Variants in IL1RAPL1 observed in about 807,000 individuals in gnomAD.
IL1RAPL1 encodes interleukin 1 receptor accessory protein like 1.
In IL1RAPL1, 3 loss-of-function variants were observed where a neutral mutation model predicts 48.4. The ratio of observed to expected loss-of-function variants is 0.06; its 90% confidence interval spans 0.03 to 0.16. The LOEUF is 0.16. Among genes scored for constraint, IL1RAPL1 ranks in the 10% least tolerant of loss-of-function variants. The pLI is 1.00. For synonymous variants in IL1RAPL1, 185 were observed against 187.7 expected (o/e 0.99, Z 0.12); for missense variants, 349 against 530.6 (o/e 0.66, Z 3.36).
At chrX:28,723,404 G>A (rs1326201607) in intron 1 of IL1RAPL1, among the ~76,000 whole-genome samples, 10 of 110,979 alleles carry the variant, frequency 9.0e-5, no homozygotes, top group South Asian at 3.8e-4. Context: ...GTATTCTCTG[G>A]TGGTAGTTTG....
chrX:28,907,963 G>A (rs1923262389), intron 2 of IL1RAPL1, among the ~76,000 whole-genome samples: 1 of 111,739 alleles, frequency 8.9e-6, no homozygotes, highest in Non-Finnish European at 1.9e-5. Context: ...GTATGAGTTT[G>A]TGTCTTTCAA....
At position 29,773,440 on chromosome X, in the gene IL1RAPL1, C is replaced by G. The variant is rs756489994; in HGVS notation, c.778+104936C>G. 7.0e-4 allele frequency among the ~76,000 whole-genome samples: 79 copies of G among 112,454 alleles called. 1 individual carries two copies. The highest frequency in any genetic ancestry group is 2.3e-3 in the African/African-American group (70 of 31,004). Reference sequence around the variant, plus strand: ...TCTTTTATCTGTCACTGTGCGGTAGCTTTAGCATAACTGCATTTAGATTTA... The same window carrying G: ...TCTTTTATCTGTCACTGTGCGGTAGGTTTAGCATAACTGCATTTAGATTTA... On this transcript the variant is annotated intron_variant, in intron 6 of 10. Coordinates refer to ENST00000378993, the MANE Select transcript of IL1RAPL1 (RefSeq NM_014271.4).
intron 1 of IL1RAPL1, among the ~76,000 whole-genome samples, chrX:28,630,065 A>T (rs1286661436): frequency 8.9e-6 from 1 of 111,868 alleles, no homozygotes; most frequent in Non-Finnish European, 1.9e-5. Context: ...AGGAAGTTTA[A>T]AAGAACAATG....
At chrX:29,496,159 A>G (rs976626236) in intron 5 of IL1RAPL1, among the ~76,000 whole-genome samples, 2 of 112,017 alleles carry the variant, frequency 1.8e-5, no homozygotes, top group African/African-American at 6.5e-5. Flanking sequence ...CCTTTCACCT[A>G]TATATGGTAG....
intron 1 of IL1RAPL1, 79 bp from the exon 2 acceptor site, chrX:28,789,241 C>T: frequency 1.8e-6 from 1 of 555,699 alleles, no homozygotes; most frequent in Non-Finnish European, 3.1e-6. Context: ...CATGTTTGAT[C>T]AAAGTTATGA....
chrX:29,774,126 C>T (rs775064339), intron 6 of IL1RAPL1, among the ~76,000 whole-genome samples: 1 of 110,294 alleles, frequency 9.1e-6, no homozygotes, highest in African/African-American at 3.3e-5. Flanking sequence ...TTCTCTTCCT[C>T]CTTCCTCTCC....
chrX:29,122,056 C>T (rs1928797612), intron 2 of IL1RAPL1, among the ~76,000 whole-genome samples: 1 of 111,245 alleles, frequency 9.0e-6, no homozygotes, highest in South Asian at 3.7e-4. Context: ...TAATTATTCT[C>T]TGAAATACTC....
intron 5 of IL1RAPL1, among the ~76,000 whole-genome samples, chrX:29,470,084 G>A (rs1285145928): frequency 1.8e-5 from 2 of 112,168 alleles, no homozygotes; most frequent in Non-Finnish European, 3.8e-5. Flanking sequence ...AGACTAATTT[G>A]AAGAAGTACA....
At position 29,750,344 on chromosome X, in the gene IL1RAPL1, C is replaced by T. The variant is rs1928428953; in HGVS notation, c.778+81840C>T. On this transcript the variant is annotated intron_variant, in intron 6 of 10. Transcript: ENST00000378993. ...CATAGCTGTTTTTCACTTTACATAT[C>T]AAGAACCAATGTTTGGGAAACAAAT... Among the ~76,000 whole-genome samples, 6 of 111,660 alleles carry T rather than the reference C, an allele frequency of 5.4e-5. No homozygotes were observed. In the South Asian group the frequency reaches 2.2e-3, roughly 41 times the overall value.
chrX:29,918,144 A>AAAAAAAAATAT (rs1555935868), intron 7 of IL1RAPL1, among the ~76,000 whole-genome samples: 1 of 23,759 alleles, frequency 4.2e-5, no homozygotes, highest in Non-Finnish European at 6.6e-5. Flanking sequence ...AAAAAAAAAA[A>AAAAAAAAATAT]ATATATATAT....
At chrX:29,490,002 G>T (rs1315728478) in intron 5 of IL1RAPL1, among the ~76,000 whole-genome samples, 1 of 110,867 alleles carries the variant, frequency 9.0e-6, no homozygotes, top group African/African-American at 3.3e-5. Flanking sequence ...TTTCTACATA[G>T]GACTTATTAA....
At chrX:29,803,403 ATGTGTATATGTGTATATG>A (rs1930144293) in intron 6 of IL1RAPL1, among the ~76,000 whole-genome samples, 9 of 84,827 alleles carry the variant, frequency 1.1e-4, no homozygotes, top group African/African-American at 2.9e-4. Flanking sequence ...ATATGTATAT[ATGTGTATATGTGTATATG>A]TGTATATATG....
chrX:28,827,210 A>T (rs1044100793), intron 2 of IL1RAPL1, among the ~76,000 whole-genome samples: 3 of 111,366 alleles, frequency 2.7e-5, no homozygotes, highest in African/African-American at 9.7e-5. Context: ...ACATATTTTT[A>T]TTTAAATAAT....
At chrX:28,875,384 C>T (rs1428508917) in intron 2 of IL1RAPL1, among the ~76,000 whole-genome samples, 2 of 112,276 alleles carry the variant, frequency 1.8e-5, no homozygotes, top group Non-Finnish European at 1.9e-5. Flanking sequence ...CATCAAACTG[C>T]CTTGCTGTAT....
chrX:29,955,334 G>T lies in IL1RAPL1; in HGVS notation c.1605G>T (p.Thr535=), dbSNP rs35305747. 1.8e-3 allele frequency: 2,203 copies of T among 1,209,353 alleles called. 9 individuals carry two copies. Among genetic ancestry groups the T allele is most frequent in the Non-Finnish European group, 2.1e-3 (1,895 of 894,970 alleles). Residue 535 remains threonine, a synonymous_variant, in exon 11 of 11, where the codon ACG becomes ACT. Transcript: ENST00000378993. ...EALKHTIKLL[T]VIKWHGPKCN... ...TGAAGCACACCATCAAGCTCCTGACGGTCATTAAATGGCATGGACCAAAAT... is the reference window on the plus strand; with the variant it reads ...TGAAGCACACCATCAAGCTCCTGACTGTCATTAAATGGCATGGACCAAAAT...
At chrX:29,754,905 C>T (rs999944259) in intron 6 of IL1RAPL1, among the ~76,000 whole-genome samples, 12 of 112,617 alleles carry the variant, frequency 1.1e-4, no homozygotes, top group African/African-American at 3.9e-4. Context: ...TGGGCATGGC[C>T]ATGCTGGGTC....
intron 6 of IL1RAPL1, among the ~76,000 whole-genome samples, chrX:29,872,638 T>G (rs1040374544): frequency 3.6e-5 from 4 of 111,991 alleles, no homozygotes; most frequent in African/African-American, 6.5e-5. Context: ...ACCTGTAAAG[T>G]GTCTTTCACT....
intron 6 of IL1RAPL1, among the ~76,000 whole-genome samples, chrX:29,803,693 GTTT>G (rs1276389542): frequency 5.6e-5 from 6 of 106,559 alleles, no homozygotes; most frequent in Non-Finnish European, 9.7e-5. Flanking sequence ...TGAATTGTGT[GTTT>G]TTATTTTGAT....
intron 5 of IL1RAPL1, among the ~76,000 whole-genome samples, chrX:29,459,183 T>A (rs1934774664): frequency 8.9e-6 from 1 of 111,868 alleles, no homozygotes; most frequent in South Asian, 3.7e-4. Flanking sequence ...TGAAGCCTGG[T>A]AGATGAGGTA....
Sources: gnomAD v4.1 joint callset for allele counts (sites outside exome capture counted in the v4.1 genomes callset) on GRCh38, gnomAD v4.1.1 for gene constraint, MANE v1.5 for transcripts, NCBI Gene and HGNC (gene_info 2026-07-23, HGNC 2026-07-21) for gene names.